COL6A6: variants seen among roughly 807,000 people sequenced by gnomAD.
COL6A6 encodes the protein collagen alpha-6(VI) chain.
Under a neutral mutation model 208.6 loss-of-function variants are expected in COL6A6, and 183 were observed. That is an observed-to-expected ratio of 0.88 (90% CI 0.78 to 0.99). COL6A6 has a LOEUF of 0.99. Ranked by LOEUF, COL6A6 falls within the 50% of genes least tolerant of loss-of-function variation. COL6A6 has a pLI of 0.00. For missense variants in COL6A6, 2,816 were observed against 2,815.2 expected, an observed-to-expected ratio of 1.00 and a Z score of -0.01; for synonymous variants, 973 against 1,011.8, an observed-to-expected ratio of 0.96 and a Z score of 0.73.
In COL6A6 at chr3:130,560,526, G is replaced by A. The variant is rs1016355891; in HGVS notation, c.64+98G>A. The A allele has an allele frequency of 5.5e-6, 6 of 1,095,652 alleles. No homozygotes were observed. The African/African-American group carries it at 6.4e-5, about 12-fold the overall frequency. 67.9% of individuals were successfully genotyped at this position (1,095,652 alleles called of 1,614,324 possible). The stretch of plus-strand genomic sequence containing the variant: ...AAAGTTACAAGTTTTGTATCACTTT[G>A]TTTTGATTTTGATGGTAGTGAGATT... On this transcript the variant is annotated intron_variant, in intron 2 of 36. Coordinates refer to ENST00000358511, the MANE Select transcript of COL6A6 (RefSeq NM_001102608.3).
intron 1 of COL6A6, among the ~76,000 whole-genome samples, chr3:130,523,427 G>C (rs893232596): frequency 6.6e-6 from 1 of 152,148 alleles, no homozygotes; most frequent in African/African-American, 2.4e-5. Flanking sequence ...TGAAGTATCT[G>C]TTGTATGAAT....
chr3:130,673,220 A>AAAAAAAAC (rs1553724908), intron 36 of COL6A6, among the ~76,000 whole-genome samples: 2,043 of 129,624 alleles, frequency 0.016, 67 homozygotes, highest in African/African-American at 0.056. Flanking sequence ...AAAAAAACAA[A>AAAAAAAAC]AAAAAAAAAC....
At position 130,565,563 on chromosome 3, in the gene COL6A6, A is replaced by C; in HGVS notation, c.1231A>C (p.Ile411Leu). 1 of 1,613,738 alleles carries C rather than the reference A, an allele frequency of 6.2e-7. No homozygotes were observed. Among genetic ancestry groups the C allele is most frequent in the Non-Finnish European group, 8.5e-7 (1 of 1,179,754 alleles). Reference protein sequence around the residue: ...QTFLKKLRNQITHTVSVFSER... With the variant: ...QTFLKKLRNQLTHTVSVFSER... ...ATTTCTGAAGAAGCTGCGGAACCAA[A>C]TAACACACACAGTCTCTGTCTTTTC... The change falls in exon 4 of 37, where the codon ATA becomes CTA. Residue 411 changes from isoleucine (I) to leucine (L), a missense_variant. Ile to Leu is a conservative substitution (Grantham distance 5). Coordinates refer to ENST00000358511, the MANE Select transcript of COL6A6 (RefSeq NM_001102608.3).
chr3:130,531,346 C>T (rs1276862783), intron 1 of COL6A6, among the ~76,000 whole-genome samples: 1 of 152,008 alleles, frequency 6.6e-6, no homozygotes, highest in Non-Finnish European at 1.5e-5. Context: ...TCAGTGGCAC[C>T]CCACACCCCA....
chr3:130,522,484 T>C (rs1711129374), intron 1 of COL6A6, among the ~76,000 whole-genome samples: 1 of 152,240 alleles, frequency 6.6e-6, no homozygotes, highest in Non-Finnish European at 1.5e-5. Context: ...GCCCTTTATT[T>C]TCCTGCTGGG....
Position 130,565,491 on chromosome 3 carries a change from G to A in COL6A6, c.1159G>A (p.Val387Ile), listed in dbSNP as rs2062997026. The A allele has an allele frequency of 6.2e-7, 1 of 1,614,010 alleles. No homozygotes were observed. Residue 387 changes from valine (V) to isoleucine (I), a missense_variant, in exon 4 of 37, where the codon GTC becomes ATC. Val to Ile is a conservative substitution (Grantham distance 29). Coordinates refer to ENST00000358511, the MANE Select transcript of COL6A6 (RefSeq NM_001102608.3). Reference sequence around the variant, plus strand: ...AGCATCCCACCCTGCTGAGCAGTATGTCTCCAAACTGAAGACCTTCGCTGA... The same window carrying A: ...AGCATCCCACCCTGCTGAGCAGTATATCTCCAAACTGAAGACCTTCGCTGA... ...KIASHPAEQY[V>I]SKLKTFADLA...
chr3:130,610,716 G>A lies in COL6A6; in HGVS notation c.4815+5G>A, dbSNP rs747485943. 7 of 1,572,198 alleles carry A rather than the reference G, an allele frequency of 4.5e-6. No homozygotes were observed. The Admixed American group carries it at 5.5e-5, about 12-fold the overall frequency. Reference sequence around the variant, plus strand: ...GTGGGAAGTAAAGGTCCCCAGGTATGTAATGAGAAAAATGATTGCATCTGA... The same window carrying A: ...GTGGGAAGTAAAGGTCCCCAGGTATATAATGAGAAAAATGATTGCATCTGA... On this transcript the variant is annotated splice_donor_5th_base_variant and intron_variant, in intron 23 of 36. Transcript: ENST00000358511.
At chr3:130,647,951 A>G (rs538076133) in intron 32 of COL6A6, among the ~76,000 whole-genome samples, 2 of 152,302 alleles carry the variant, frequency 1.3e-5, no homozygotes, top group African/African-American at 4.8e-5. Flanking sequence ...GCTCTTTTTC[A>G]TTCATTCAGC....
At chr3:130,658,547 C>A in intron 33 of COL6A6, 129 bp from the exon 34 acceptor site, 2 of 635,512 alleles carry the variant, frequency 3.1e-6, no homozygotes, top group South Asian at 1.9e-5. Context: ...TGCTTACATG[C>A]TGTGCCTCCC....
At chr3:130,574,897 A>G (rs555406452) in intron 8 of COL6A6, among the ~76,000 whole-genome samples, 9 of 152,334 alleles carry the variant, frequency 5.9e-5, no homozygotes, top group Admixed American at 5.2e-4. Flanking sequence ...AATACGGCCT[A>G]TAGGGCTGCC....
chr3:130,634,242 T>TAAAAAAAAAA (rs202193097), intron 26 of COL6A6, among the ~76,000 whole-genome samples: 3 of 23,794 alleles, frequency 1.3e-4, no homozygotes, highest in African/African-American at 5.8e-4. Flanking sequence ...AATAAATAAA[T>TAAAAAAAAAA]AAAAAAAAAA....
Position 130,570,296 on chromosome 3 carries a change from T to C in COL6A6, c.2402-522T>C, listed in dbSNP as rs1186932412. Among the ~76,000 whole-genome samples the C allele has an allele frequency of 2.0e-5, 3 of 152,222 alleles. No homozygotes were observed. In the East Asian group the frequency reaches 5.8e-4, roughly 29 times the overall value. On this transcript the variant is annotated intron_variant, in intron 6 of 36. Coordinates refer to ENST00000358511, the MANE Select transcript of COL6A6 (RefSeq NM_001102608.3). Reference sequence around the variant, plus strand: ...TAGATGTTTCAAAAAAGTCAAAAAGTGAGGAAAAAGTAACTTTGAAAAGTC... The same window carrying C: ...TAGATGTTTCAAAAAAGTCAAAAAGCGAGGAAAAAGTAACTTTGAAAAGTC...
At chr3:130,585,107 T>C (rs1264877046) in intron 10 of COL6A6, among the ~76,000 whole-genome samples, 1 of 152,252 alleles carries the variant, frequency 6.6e-6, no homozygotes, top group African/African-American at 2.4e-5. Context: ...TTATCTATTC[T>C]GGTTCATTGG....
chr3:130,565,598 T>C lies in COL6A6; in HGVS notation c.1266T>C (p.Thr422=), dbSNP rs955244518. 1 of 1,611,886 alleles carries C rather than the reference T, an allele frequency of 6.2e-7. No individual in the cohort carries two copies. Among genetic ancestry groups the C allele is most frequent in the South Asian group, 1.1e-5 (1 of 90,592 alleles). Residue 422 remains threonine (T), a synonymous_variant, in exon 4 of 37, where the codon ACT becomes ACC. Transcript: ENST00000358511. ...CAGTCTCTGTCTTTTCAGAGAGGAC[T>C]GAAACGCTCAAATCTGGTAAGGTCT... ...THTVSVFSER[T]ETLKSGCVDT... is the part of the protein sequence containing the mutation.
intron 28 of COL6A6, among the ~76,000 whole-genome samples, chr3:130,640,795 T>G (rs2108360490): frequency 6.6e-6 from 1 of 152,366 alleles, no homozygotes; most frequent in Non-Finnish European, 1.5e-5. Flanking sequence ...TTACAATATT[T>G]CCAAATAATG....
Position 130,661,628 on chromosome 3 carries a change from G to T in COL6A6, c.5831-9G>T. ...TACTTAGTAACCCAGAGTAACTTTT[G>T]GTTCACAGATGTGTGCAAGCCAGAT... On this transcript the variant is annotated splice_polypyrimidine_tract_variant and intron_variant, in intron 34 of 36. Coordinates refer to ENST00000358511, the MANE Select transcript of COL6A6 (RefSeq NM_001102608.3). The T allele has an allele frequency of 6.3e-7, 1 of 1,580,604 alleles. No homozygotes were observed. Among genetic ancestry groups the T allele is most frequent in the South Asian group, 1.1e-5 (1 of 87,154 alleles).
intron 24 of COL6A6, among the ~76,000 whole-genome samples, chr3:130,622,438 G>A (rs2064754777): frequency 6.6e-6 from 1 of 151,972 alleles, no homozygotes; most frequent in African/African-American, 2.4e-5. Flanking sequence ...TATATGACAT[G>A]AAACCAACCC....
intron 8 of COL6A6, 72 bp downstream of exon 8, chr3:130,574,597 T>C (rs2063252150): frequency 1.6e-6 from 2 of 1,271,460 alleles, no homozygotes; most frequent in South Asian, 1.3e-5. Context: ...AGCTCCATTG[T>C]CATCCCCTGG....
chr3:130,562,987 T>TC (rs1284392963), intron 2 of COL6A6, 81 bp from the exon 3 acceptor site: 1 of 1,005,968 alleles, frequency 9.9e-7, no homozygotes, highest in Non-Finnish European at 1.5e-6. Flanking sequence ...GGAAAGTACT[T>TC]CCCCGCCATA....
Sources: allele counts gnomAD v4.1 joint callset (sites outside exome capture counted in the v4.1 genomes callset), GRCh38; gene constraint gnomAD v4.1.1; transcripts MANE v1.5; gene names NCBI Gene and HGNC (gene_info 2026-07-23, HGNC 2026-07-21).